RSRC1: variants seen among roughly 807,000 people sequenced by gnomAD.
The protein encoded by RSRC1 is arginine and serine rich coiled-coil 1.
Under a neutral mutation model 49.1 loss-of-function variants are expected in RSRC1, and 39 were observed. The observed-to-expected ratio is 0.79, with a 90% CI of 0.61 to 1.04. The LOEUF is 1.04. RSRC1 is among the 50% of genes least tolerant of loss of function. The pLI is 0.00. For synonymous variants in RSRC1, 143 were observed against 130.8 expected, an observed-to-expected ratio of 1.09 and a Z score of -0.63; for missense variants, 388 against 402.4, an observed-to-expected ratio of 0.96 and a Z score of 0.31.
chr3:158,515,242 G>C (rs561525218), intron 7 of RSRC1, among the ~76,000 whole-genome samples: 3 of 152,212 alleles, frequency 2.0e-5, no homozygotes, highest in African/African-American at 4.8e-5. Context: ...GATATTGGTT[G>C]TTCCTTTCCA....
intron 5 of RSRC1, among the ~76,000 whole-genome samples, chr3:158,337,074 C>T (rs1454535771): frequency 3.3e-5 from 5 of 152,152 alleles, no homozygotes; most frequent in African/African-American, 1.2e-4. Flanking sequence ...ATTTATGATC[C>T]TGTGTCTAAA....
intron 4 of RSRC1, among the ~76,000 whole-genome samples, chr3:158,203,861 A>G (rs1721209356): frequency 6.6e-6 from 1 of 152,182 alleles, no homozygotes; most frequent in South Asian, 2.1e-4. Context: ...CCATTTAGAG[A>G]CAGAACTTGA....
At chr3:158,439,694 T>G (rs1290815806) in intron 6 of RSRC1, among the ~76,000 whole-genome samples, 2 of 152,082 alleles carry the variant, frequency 1.3e-5, no homozygotes, top group Non-Finnish European at 2.9e-5. Flanking sequence ...GGGATAGCAT[T>G]AGGAGAAATA....
At chr3:158,281,238 TAAG>T (rs1042712224) in intron 4 of RSRC1, among the ~76,000 whole-genome samples, 1 of 152,068 alleles carries the variant, frequency 6.6e-6, no homozygotes, top group African/African-American at 2.4e-5. Flanking sequence ...GGATGAATGA[TAAG>T]ATCCTTTTCT....
At chr3:158,129,432 A>G (rs2108176709) in intron 3 of RSRC1, among the ~76,000 whole-genome samples, 1 of 151,690 alleles carries the variant, frequency 6.6e-6, no homozygotes, top group African/African-American at 2.4e-5. Flanking sequence ...CTGGGATTAC[A>G]GGTGCCCACC....
chr3:158,324,017 A>G (rs1728921006), intron 5 of RSRC1, among the ~76,000 whole-genome samples: 1 of 152,216 alleles, frequency 6.6e-6, no homozygotes, highest in African/African-American at 2.4e-5. Flanking sequence ...GCAGTATAGT[A>G]TTGATATTTT....
At chr3:158,283,557 T>G (rs1289256885) in intron 4 of RSRC1, among the ~76,000 whole-genome samples, 1 of 152,186 alleles carries the variant, frequency 6.6e-6, no homozygotes, top group Non-Finnish European at 1.5e-5. Context: ...AATACATAAC[T>G]ATGTCACAAT....
chr3:158,524,068 T>C (rs1427948139), intron 7 of RSRC1, among the ~76,000 whole-genome samples: 1 of 152,084 alleles, frequency 6.6e-6, no homozygotes, highest in Non-Finnish European at 1.5e-5. Context: ...TCACCTCTGT[T>C]ACAATTCTTT....
intron 6 of RSRC1, among the ~76,000 whole-genome samples, chr3:158,362,449 G>A (rs1731532191): frequency 6.6e-6 from 1 of 152,166 alleles, no homozygotes; most frequent in South Asian, 2.1e-4. Flanking sequence ...TCTTTTGTAA[G>A]TAAGTCATTG....
chr3:158,389,616 A>G (rs552675727), intron 6 of RSRC1, among the ~76,000 whole-genome samples: 1 of 152,370 alleles, frequency 6.6e-6, no homozygotes, highest in East Asian at 1.9e-4. Flanking sequence ...TTGAACAAAG[A>G]AAAATATAAT....
chr3:158,246,475 G>A (rs147880020), intron 4 of RSRC1, among the ~76,000 whole-genome samples: 12 of 151,578 alleles, frequency 7.9e-5, no homozygotes, highest in African/African-American at 2.7e-4. Context: ...TTGCAGACTT[G>A]TTTTTATGGT....
At chr3:158,530,931 TA>T (rs564197735) in intron 7 of RSRC1, among the ~76,000 whole-genome samples, 23,717 of 123,456 alleles carry the variant, frequency 0.19, 2,438 homozygotes, top group African/African-American at 0.29. Context: ...AAAAGAAACT[TA>T]AAAAAAAAAA....
intron 4 of RSRC1, among the ~76,000 whole-genome samples, chr3:158,207,075 A>G (rs16828746): frequency 0.077 from 11,665 of 152,180 alleles, 541 homozygotes; most frequent in South Asian, 0.13. Context: ...GTGGTCATAG[A>G]GCTAATAAAC....
chr3:158,421,506 T>G (rs1173028793), intron 6 of RSRC1, among the ~76,000 whole-genome samples: 1 of 151,818 alleles, frequency 6.6e-6, no homozygotes, highest in South Asian at 2.1e-4. Flanking sequence ...TCTGATGGAC[T>G]AGGGTAGTGG....
chr3:158,475,631 T>C (rs1169973500), intron 7 of RSRC1, among the ~76,000 whole-genome samples: 1 of 152,136 alleles, frequency 6.6e-6, no homozygotes, highest in East Asian at 1.9e-4. Flanking sequence ...GTAGTTGATT[T>C]GGGGCATGAT....
At chr3:158,327,281 G>A (rs868701561) in intron 5 of RSRC1, among the ~76,000 whole-genome samples, 21 of 152,040 alleles carry the variant, frequency 1.4e-4, no homozygotes, top group Admixed American at 1.1e-3. Flanking sequence ...GCTAGGTTTT[G>A]AATGTTTGCT....
intron 4 of RSRC1, among the ~76,000 whole-genome samples, chr3:158,285,378 C>T (rs997339095): frequency 2.0e-5 from 3 of 152,172 alleles, no homozygotes; most frequent in African/African-American, 4.8e-5. Context: ...GCAATGCGGG[C>T]TCTTTTTTGG....
intron 7 of RSRC1, among the ~76,000 whole-genome samples, chr3:158,482,893 G>T (rs1382716524): frequency 6.6e-6 from 1 of 151,844 alleles, no homozygotes; most frequent in Non-Finnish European, 1.5e-5. Flanking sequence ...CATGTAATCT[G>T]CACAGAAATC....
chr3:158,393,518 C>T (rs780055042), intron 6 of RSRC1, among the ~76,000 whole-genome samples: 58 of 151,620 alleles, frequency 3.8e-4, no homozygotes, highest in Admixed American at 8.6e-4. Flanking sequence ...AAAATCCCTC[C>T]GAGACTACTA....
Sources: allele counts gnomAD v4.1 joint callset (sites outside exome capture counted in the v4.1 genomes callset), GRCh38; gene constraint gnomAD v4.1.1; transcripts MANE v1.5; gene names NCBI Gene and HGNC (gene_info 2026-07-23, HGNC 2026-07-21).